Variants in SHROOM3 observed in about 807,000 individuals in gnomAD.
The protein encoded by SHROOM3 is shroom family member 3.
Under a neutral mutation model 138.6 loss-of-function variants are expected in SHROOM3, and 47 were observed. The ratio of observed to expected loss-of-function variants is 0.34; its 90% CI spans 0.27 to 0.43. The LOEUF is 0.43. Ranked by LOEUF, SHROOM3 falls within the 20% of genes least tolerant of loss-of-function variation. The pLI is 1.00. For synonymous variants in SHROOM3, 1,062 were observed against 1,063.3 expected, an observed-to-expected ratio of 1.00 and a Z score of 0.02; for missense variants, 2,491 against 2,596.5, an observed-to-expected ratio of 0.96 and a Z score of 0.88.
chr4:76,605,933 C>CTA lies in SHROOM3; in HGVS notation c.323+50183_323+50184dup, dbSNP rs1326696560. 1.3e-3 allele frequency among the ~76,000 whole-genome samples: 171 copies of CTA among 133,090 alleles called. 1 individual carries two copies. Among genetic ancestry groups the CTA allele is most frequent in the South Asian group, 1.2e-3 (5 of 4,200 alleles). 87.3% of individuals were successfully genotyped at this position (133,090 alleles called of 152,430 possible). A position where few individuals can be genotyped will look rare whatever the true frequency, so the allele number is the denominator to read the frequency against. ...CAATTTTCTCTCTCTCTCTCTCTCT[C>CTA]TATATATATATATACACATATATAT... On this transcript the variant is annotated intron_variant, in intron 2 of 10. Coordinates refer to ENST00000296043, the MANE Select transcript of SHROOM3 (RefSeq NM_020859.4).
intron 2 of SHROOM3, among the ~76,000 whole-genome samples, chr4:76,602,556 G>C (rs1310666053): frequency 6.6e-6 from 1 of 151,736 alleles, no homozygotes; most frequent in Admixed American, 6.6e-5. Flanking sequence ...GCAATATATT[G>C]ATATATAGTA....
At chr4:76,443,214 G>A (rs1023251740) in intron 1 of SHROOM3, among the ~76,000 whole-genome samples, 1 of 152,172 alleles carries the variant, frequency 6.6e-6, no homozygotes, top group Non-Finnish European at 1.5e-5. Flanking sequence ...TCCTATCAAT[G>A]TTGTTGGAAA....
At chr4:76,546,112 C>T (rs919971673) in intron 1 of SHROOM3, among the ~76,000 whole-genome samples, 1 of 150,922 alleles carries the variant, frequency 6.6e-6, no homozygotes, top group African/African-American at 2.5e-5. Flanking sequence ...GAGAAACACA[C>T]ATTTTCACTT....
chr4:76,494,901 G>T lies in SHROOM3; in HGVS notation c.168+58681G>T, dbSNP rs10005906. Among the ~76,000 whole-genome samples, 659 of 152,226 alleles carry T rather than the reference G, an allele frequency of 4.3e-3. 7 individuals carry two copies. Among genetic ancestry groups the T allele is most frequent in the African/African-American group, 0.015 (634 of 41,532 alleles). ...GTCATCTATGCAACATAATTCAAAG[G>T]CCTGTTCTGTTAAAAAACAAACAAA... On this transcript the variant is annotated intron_variant, in intron 1 of 10. Coordinates refer to ENST00000296043, the MANE Select transcript of SHROOM3 (RefSeq NM_020859.4).
At position 76,587,284 on chromosome 4, in the gene SHROOM3, A is replaced by G. The variant is rs568733168; in HGVS notation, c.323+31521A>G. On this transcript the variant is annotated intron_variant, in intron 2 of 10. Transcript: ENST00000296043. ...TAAAAAAGACTGGTGGTTTGGGACT[A>G]GTGTTTTCACCCTGTCTGTTTTGTT... The G allele has an allele frequency of 3.3e-5, 5 of 152,248 alleles. No homozygotes were observed. In the East Asian group the frequency reaches 7.7e-4, roughly 24 times the overall value. The allele number at this position is 152,248 out of a possible 1,614,324, so 9.4% of individuals were successfully genotyped here.
intron 2 of SHROOM3, among the ~76,000 whole-genome samples, chr4:76,572,104 C>T (rs1025168518): frequency 6.6e-6 from 1 of 152,226 alleles, no homozygotes; most frequent in African/African-American, 2.4e-5. Context: ...CTCATCCAAA[C>T]TTGCCTTTGC....
intron 2 of SHROOM3, among the ~76,000 whole-genome samples, chr4:76,690,228 C>T (rs1719481448): frequency 1.3e-5 from 2 of 152,128 alleles, no homozygotes; most frequent in Non-Finnish European, 2.9e-5. Flanking sequence ...TTCTACCTGA[C>T]GCTCGCTTTA....
At chr4:76,473,483 C>T (rs773144645) in intron 1 of SHROOM3, among the ~76,000 whole-genome samples, 4 of 152,010 alleles carry the variant, frequency 2.6e-5, no homozygotes, top group Non-Finnish European at 5.9e-5. Flanking sequence ...GTGGCATGTA[C>T]CTGTAGTCCT....
At chr4:76,598,834 G>A (rs1035046515) in intron 2 of SHROOM3, among the ~76,000 whole-genome samples, 6 of 152,208 alleles carry the variant, frequency 3.9e-5, no homozygotes, top group Non-Finnish European at 7.3e-5. Flanking sequence ...AAAAGGCAGA[G>A]TAGTGACAAA....
chr4:76,721,136 C>A (rs1439850215), intron 3 of SHROOM3, among the ~76,000 whole-genome samples: 1 of 151,330 alleles, frequency 6.6e-6, no homozygotes, highest in African/African-American at 2.4e-5. Flanking sequence ...ACGGTGAAAC[C>A]CCGTCTCTAC....
At chr4:76,441,827 A>C (rs1002882947) in intron 1 of SHROOM3, among the ~76,000 whole-genome samples, 17 of 152,220 alleles carry the variant, frequency 1.1e-4, no homozygotes, top group Non-Finnish European at 2.5e-4. Flanking sequence ...GGTTCAAGCG[A>C]TTCTCCTGCC....
At chr4:76,648,049 T>C (rs1735865129) in intron 2 of SHROOM3, among the ~76,000 whole-genome samples, 1 of 152,022 alleles carries the variant, frequency 6.6e-6, no homozygotes, top group Non-Finnish European at 1.5e-5. Context: ...CAATGCTGGC[T>C]ATGCACAGTG....
At chr4:76,757,025 T>C in intron 8 of SHROOM3, 88 bp downstream of exon 8, 2 of 1,598,524 alleles carry the variant, frequency 1.3e-6, no homozygotes, top group Non-Finnish European at 8.5e-7. Flanking sequence ...TTGCCTGATG[T>C]TCTCCTACTG....
intron 1 of SHROOM3, among the ~76,000 whole-genome samples, chr4:76,439,775 C>A (rs781220576): frequency 8.5e-5 from 13 of 152,146 alleles, no homozygotes; most frequent in Non-Finnish European, 1.8e-4. Context: ...AATGAAGTAT[C>A]ATTTTTCTTT....
chr4:76,610,221 A>G (rs1734733810), intron 2 of SHROOM3, among the ~76,000 whole-genome samples: 1 of 152,202 alleles, frequency 6.6e-6, no homozygotes, highest in Non-Finnish European at 1.5e-5. Flanking sequence ...AATCACCCTC[A>G]TTTCAGAAAA....
intron 2 of SHROOM3, chr4:76,559,309 C>A (rs1322815929): frequency 6.6e-6 from 1 of 152,136 alleles, no homozygotes; most frequent in Non-Finnish European, 1.5e-5. Context: ...GTAGAAGCCT[C>A]TTTGCGCTGG....
intron 1 of SHROOM3, among the ~76,000 whole-genome samples, chr4:76,452,554 C>T (rs1579163016): frequency 6.6e-6 from 1 of 152,262 alleles, no homozygotes; most frequent in African/African-American, 2.4e-5. Flanking sequence ...CACATTGTAG[C>T]GTGTGTCAGA....
chr4:76,636,405 A>G (rs933777062), intron 2 of SHROOM3, among the ~76,000 whole-genome samples: 1 of 152,210 alleles, frequency 6.6e-6, no homozygotes, highest in Admixed American at 6.5e-5. Flanking sequence ...ACTTTCACAT[A>G]AAGTATAGCT....
At chr4:76,669,366 A>T (rs1032557136) in intron 2 of SHROOM3, among the ~76,000 whole-genome samples, 18 of 152,184 alleles carry the variant, frequency 1.2e-4, no homozygotes, top group Admixed American at 1.0e-3. Flanking sequence ...CACACCTGTA[A>T]TCCTAGCAGT....
Sources: allele counts gnomAD v4.1 joint callset (sites outside exome capture counted in the v4.1 genomes callset), GRCh38; gene constraint gnomAD v4.1.1; transcripts MANE v1.5; gene names NCBI Gene and HGNC (gene_info 2026-07-23, HGNC 2026-07-21).